PTPRM: variants seen among roughly 807,000 people sequenced by gnomAD.
The protein encoded by PTPRM is protein tyrosine phosphatase receptor type M, also known as receptor-type tyrosine-protein phosphatase mu.
Under a neutral mutation model 186.7 loss-of-function variants are expected in PTPRM, and 47 were observed. The observed-to-expected ratio is 0.25, with a 90% CI of 0.20 to 0.32. The LOEUF (loss-of-function observed/expected upper bound fraction) is 0.32. Among genes scored for constraint, PTPRM ranks in the 10% least tolerant of loss-of-function variants. The probability of loss-of-function intolerance (pLI) is 1.00; values close to 1 mark genes in which losing one functional copy is unlikely to be tolerated. For missense variants in PTPRM, 1,494 were observed against 1,865.0 expected, an observed-to-expected ratio of 0.80 and a Z score of 3.66; for synonymous variants, 668 against 674.9, an observed-to-expected ratio of 0.99 and a Z score of 0.16.
chr18:8,118,234 G>A lies in PTPRM; in HGVS notation c.2167+3407G>A, dbSNP rs775667450. 5.9e-5 allele frequency among the ~76,000 whole-genome samples: 9 copies of A among 152,086 alleles called. No homozygotes were observed. In the South Asian group the frequency reaches 1.2e-3, roughly 21 times the overall value. Reference sequence around the variant, plus strand: ...GATTTTTTCATAATATGTTAGCACCGCATGTTTGTCCTTGGCAGTATAGCC... The same window carrying A: ...GATTTTTTCATAATATGTTAGCACCACATGTTTGTCCTTGGCAGTATAGCC... On this transcript the variant is annotated intron_variant, in intron 13 of 32. Transcript: ENST00000580170.
chr18:7,681,576 T>G (rs951998033), intron 1 of PTPRM, among the ~76,000 whole-genome samples: 1 of 151,678 alleles, frequency 6.6e-6, no homozygotes, highest in Non-Finnish European at 1.5e-5. Flanking sequence ...AAAGAGGTGT[T>G]AGATTCCTTA....
chr18:7,991,056 G>A (rs973168449), intron 7 of PTPRM, among the ~76,000 whole-genome samples: 7 of 152,094 alleles, frequency 4.6e-5, no homozygotes, highest in African/African-American at 1.4e-4. Flanking sequence ...ACAGTTAATA[G>A]CAATATATTC....
At chr18:7,798,159 G>A (rs541430886) in intron 2 of PTPRM, among the ~76,000 whole-genome samples, 69 of 152,242 alleles carry the variant, frequency 4.5e-4, no homozygotes, top group African/African-American at 1.6e-3. Context: ...CACGAGGGTT[G>A]GTAGTTCAAA....
At chr18:7,965,758 A>T (rs2054000289) in intron 7 of PTPRM, among the ~76,000 whole-genome samples, 3 of 152,168 alleles carry the variant, frequency 2.0e-5, no homozygotes, top group Admixed American at 2.0e-4. Context: ...TCTTGACCTC[A>T]TATGTCCTGT....
At chr18:8,146,849 C>T (rs2092899112) in intron 14 of PTPRM, among the ~76,000 whole-genome samples, 1 of 152,018 alleles carries the variant, frequency 6.6e-6, no homozygotes, top group South Asian at 2.1e-4. Flanking sequence ...AGGAAGGGGT[C>T]CAGTTTCAGT....
At chr18:7,919,060 C>T (rs1359189850) in intron 4 of PTPRM, among the ~76,000 whole-genome samples, 1 of 152,094 alleles carries the variant, frequency 6.6e-6, no homozygotes. Context: ...GTCCTTTCTT[C>T]GTTGTATACT....
At position 7,965,115 on chromosome 18, in the gene PTPRM, G is replaced by A. The variant is rs557603916; in HGVS notation, c.1132+9701G>A. On this transcript the variant is annotated intron_variant, in intron 7 of 32. Transcript: ENST00000580170. The stretch of plus-strand genomic sequence containing the variant: ...GTGCAATGTGCAATGGCATGATCTC[G>A]GCTCACTGCAACCTCCGCCTCCCAG... 1.4e-4 allele frequency among the ~76,000 whole-genome samples: 21 copies of A among 146,234 alleles called. 1 individual carries two copies. In the South Asian group the frequency reaches 4.3e-3, roughly 30 times the overall value.
chr18:7,813,330 G>A (rs2044630253), intron 2 of PTPRM, among the ~76,000 whole-genome samples: 1 of 152,202 alleles, frequency 6.6e-6, no homozygotes, highest in Non-Finnish European at 1.5e-5. Context: ...TCATTGCTGA[G>A]ATTGACAAAG....
chr18:7,662,380 A>G (rs931540568), intron 1 of PTPRM, among the ~76,000 whole-genome samples: 2 of 152,264 alleles, frequency 1.3e-5, no homozygotes, highest in African/African-American at 4.8e-5. Flanking sequence ...TTGTTCAGCC[A>G]TAAAAAAGAA....
chr18:8,177,166 A>G (rs2093497058), intron 14 of PTPRM, among the ~76,000 whole-genome samples: 1 of 152,240 alleles, frequency 6.6e-6, no homozygotes, highest in South Asian at 2.1e-4. Flanking sequence ...TTATAAAAGT[A>G]TGAGAAGCAT....
intron 31 of PTPRM, among the ~76,000 whole-genome samples, chr18:8,389,606 G>T (rs191207652): frequency 9.3e-4 from 141 of 152,254 alleles, no homozygotes; most frequent in African/African-American, 3.3e-3. Flanking sequence ...GTTCATGTGG[G>T]GCTGTCTCTT....
At chr18:7,719,559 T>TA (rs1335923283) in intron 1 of PTPRM, among the ~76,000 whole-genome samples, 3 of 151,912 alleles carry the variant, frequency 2.0e-5, no homozygotes, top group Non-Finnish European at 4.4e-5. Context: ...AAATAAAAAA[T>TA]AAAAAACACA....
chr18:8,171,309 G>T (rs141874846), intron 14 of PTPRM, among the ~76,000 whole-genome samples: 1 of 152,206 alleles, frequency 6.6e-6, no homozygotes, highest in Non-Finnish European at 1.5e-5. Flanking sequence ...AATGGGCTGT[G>T]TGGCATGCTA....
At chr18:7,800,215 C>G (rs977775407) in intron 2 of PTPRM, among the ~76,000 whole-genome samples, 3 of 152,190 alleles carry the variant, frequency 2.0e-5, no homozygotes, top group African/African-American at 7.2e-5. Context: ...AAAGCATACA[C>G]TAAATCTATT....
chr18:8,209,727 A>G (rs2093976755), intron 14 of PTPRM, among the ~76,000 whole-genome samples: 1 of 152,078 alleles, frequency 6.6e-6, no homozygotes, highest in Non-Finnish European at 1.5e-5. Context: ...ACAAGAACAG[A>G]AAACCAGACA....
chr18:7,877,453 A>G (rs1438786462), intron 2 of PTPRM, among the ~76,000 whole-genome samples: 5 of 152,186 alleles, frequency 3.3e-5, no homozygotes, highest in African/African-American at 1.2e-4. Context: ...TCCTTGAAGT[A>G]AGAACTCTGT....
intron 4 of PTPRM, among the ~76,000 whole-genome samples, chr18:7,918,104 G>GTGTA (rs775155486): frequency 3.4e-5 from 5 of 148,190 alleles, no homozygotes; most frequent in African/African-American, 1.0e-4. Flanking sequence ...GTGTGTGTGT[G>GTGTA]TATGTGTATT....
chr18:8,068,886 T>G (rs1600379827), intron 7 of PTPRM, among the ~76,000 whole-genome samples: 1 of 151,516 alleles, frequency 6.6e-6, no homozygotes, highest in South Asian at 2.1e-4. Context: ...GATCACGAGG[T>G]CAGGAGATCA....
intron 19 of PTPRM, among the ~76,000 whole-genome samples, chr18:8,287,694 A>G (rs2094972368): frequency 6.6e-6 from 1 of 152,200 alleles, no homozygotes; most frequent in South Asian, 2.1e-4. Flanking sequence ...TCAGGTGCAG[A>G]GGTGGAGGAA....
Sources: gnomAD v4.1 joint callset for allele counts (sites outside exome capture counted in the v4.1 genomes callset) on GRCh38, gnomAD v4.1.1 for gene constraint, MANE v1.5 for transcripts, NCBI Gene and HGNC (gene_info 2026-07-23, HGNC 2026-07-21) for gene names.